ERBB4: variants seen among roughly 807,000 people sequenced by gnomAD.
The protein encoded by ERBB4 is receptor tyrosine-protein kinase erbB-4.
ERBB4 carries 42 observed loss-of-function variants against 158.0 expected under a neutral mutation model. That is an observed-to-expected ratio of 0.27 (90% CI 0.21 to 0.34). The LOEUF (loss-of-function observed/expected upper bound fraction) is 0.34. Among genes scored for constraint, ERBB4 ranks in the 10% least tolerant of loss-of-function variants. The pLI is 1.00. For synonymous variants in ERBB4, 583 were observed against 558.7 expected (o/e 1.04, Z -0.61); for missense variants, 1,333 against 1,624.1 (o/e 0.82, Z 3.08).
rs7569815 is a variant in ERBB4 at position 212,116,372 on chromosome 2, A to T, written c.234+8380T>A. ...TCAGTTATACATCTTTATCATAGAT[A>T]CCATTTTATTTATAGTTTTTTAATA... On this transcript the variant is annotated intron_variant, in intron 2 of 27. Coordinates refer to ENST00000342788, the MANE Select transcript of ERBB4 (RefSeq NM_005235.3). Among the ~76,000 whole-genome samples, 18 of 152,280 alleles carry T rather than the reference A, an allele frequency of 1.2e-4. 2 individuals are homozygous for T. Among genetic ancestry groups the T allele is most frequent in the African/African-American group, 4.3e-4 (18 of 41,570 alleles).
At chr2:212,255,997 A>AC (rs1553605777) in intron 1 of ERBB4, among the ~76,000 whole-genome samples, 3 of 99,112 alleles carry the variant, frequency 3.0e-5, no homozygotes, top group African/African-American at 1.0e-4. Flanking sequence ...AGTTTTATTT[A>AC]TTTATTTTTT....
In ERBB4 at chr2:211,382,336, C is replaced by G. The variant is rs1022269156; in HGVS notation, c.*1279G>C. ...AAAGGTGACATATGAAGATAATGTG[C>G]TGGCCTCTCATCATAGTCCCTGGAT... On this transcript the variant is annotated 3_prime_UTR_variant, in exon 28 of 28. Transcript: ENST00000342788. 1.2e-4 allele frequency: 27 copies of G among 232,338 alleles called. No homozygotes were observed. Among genetic ancestry groups the G allele is most frequent in the Non-Finnish European group, 6.8e-5 (8 of 117,532 alleles). 14.4% of individuals were successfully genotyped at this position (232,338 alleles called of 1,614,324 possible). A position where few individuals can be genotyped will look rare whatever the true frequency, so the allele number is the denominator to read the frequency against.
At chr2:212,397,199 C>T (rs2091053622) in intron 1 of ERBB4, among the ~76,000 whole-genome samples, 1 of 151,952 alleles carries the variant, frequency 6.6e-6, no homozygotes, top group Non-Finnish European at 1.5e-5. Flanking sequence ...GCTAGGCAGG[C>T]CATGGTGGTT....
intron 1 of ERBB4, among the ~76,000 whole-genome samples, chr2:212,188,215 T>G (rs1330983841): frequency 2.8e-4 from 9 of 32,324 alleles, no homozygotes; most frequent in African/African-American, 9.1e-4. Context: ...TCTCTCTCTC[T>G]CTCTCTCTCT....
chr2:212,240,134 G>A (rs946860632), intron 1 of ERBB4, among the ~76,000 whole-genome samples: 9 of 152,108 alleles, frequency 5.9e-5, no homozygotes, highest in African/African-American at 2.4e-5. Context: ...GATCTTCCAT[G>A]AGGCTAGGGT....
chr2:212,347,837 A>C (rs1386070080), intron 1 of ERBB4, among the ~76,000 whole-genome samples: 1 of 152,132 alleles, frequency 6.6e-6, no homozygotes, highest in Non-Finnish European at 1.5e-5. Context: ...ATAAAATATG[A>C]ATAAGTTTTA....
chr2:211,558,707 T>C (rs2067303902), intron 20 of ERBB4, among the ~76,000 whole-genome samples: 1 of 151,876 alleles, frequency 6.6e-6, no homozygotes, highest in Non-Finnish European at 1.5e-5. Context: ...CACCAACATA[T>C]AAACATAGTG....
At chr2:212,148,380 C>A (rs1017742893) in intron 1 of ERBB4, among the ~76,000 whole-genome samples, 1 of 152,098 alleles carries the variant, frequency 6.6e-6, no homozygotes. Flanking sequence ...TGTGTATTAT[C>A]TCTGAGGTAC....
intron 1 of ERBB4, among the ~76,000 whole-genome samples, chr2:212,385,312 T>C (rs1437628900): frequency 6.6e-6 from 1 of 151,810 alleles, no homozygotes; most frequent in Non-Finnish European, 1.5e-5. Context: ...TATTCAAATA[T>C]ATGGAATATA....
rs530014188 is a variant in ERBB4, at chr2:212,177,690, G to A, written c.83-52787C>T. On this transcript the variant is annotated intron_variant, in intron 1 of 27. Transcript: ENST00000342788. ...TCATTCTTTCATTCACAAATGTGCC[G>A]GCACTATGCTGGATGTGAGGGAGAC... Among the ~76,000 whole-genome samples the A allele has an allele frequency of 2.1e-4, 32 of 151,854 alleles. 1 individual carries two copies. The South Asian group carries it at 3.1e-3, about 15-fold the overall frequency.
chr2:211,567,841 AG>A (rs2067597378), intron 19 of ERBB4, among the ~76,000 whole-genome samples: 1 of 149,938 alleles, frequency 6.7e-6, no homozygotes, highest in Admixed American at 6.7e-5. Context: ...GGAGGATAGG[AG>A]AGTAGATAAA....
At chr2:211,888,799 G>A (rs2078878133) in intron 3 of ERBB4, among the ~76,000 whole-genome samples, 1 of 151,816 alleles carries the variant, frequency 6.6e-6, no homozygotes, top group South Asian at 2.1e-4. Flanking sequence ...GACGCACCTG[G>A]AAAATCGGGT....
At chr2:211,968,656 GATAAAGTC>G (rs1009343849) in intron 2 of ERBB4, among the ~76,000 whole-genome samples, 3 of 151,900 alleles carry the variant, frequency 2.0e-5, no homozygotes, top group African/African-American at 4.8e-5. Context: ...CATTGGCTTG[GATAAAGTC>G]ATAAAGTCAT....
chr2:212,384,692 T>A (rs1432347895), intron 1 of ERBB4, among the ~76,000 whole-genome samples: 1 of 151,564 alleles, frequency 6.6e-6, no homozygotes, highest in East Asian at 1.9e-4. Flanking sequence ...TTTATGCTAG[T>A]GTAATGACAT....
chr2:212,354,368 C>T (rs187281126), intron 1 of ERBB4, among the ~76,000 whole-genome samples: 21 of 152,076 alleles, frequency 1.4e-4, no homozygotes, highest in African/African-American at 3.4e-4. Context: ...TAAGGAAAGG[C>T]GGCCAAAGCC....
At chr2:211,698,181 G>A (rs1019170014) in intron 12 of ERBB4, among the ~76,000 whole-genome samples, 8 of 151,872 alleles carry the variant, frequency 5.3e-5, no homozygotes, top group African/African-American at 9.7e-5. Flanking sequence ...GCGTGGTGGC[G>A]CCTGCCTGTA....
At chr2:212,028,934 T>G (rs1003607617) in intron 2 of ERBB4, among the ~76,000 whole-genome samples, 6 of 152,108 alleles carry the variant, frequency 3.9e-5, no homozygotes, top group African/African-American at 1.4e-4. Context: ...AGGTGGGGCT[T>G]AGACACCACA....
At chr2:212,263,217 C>T (rs928001643) in intron 1 of ERBB4, among the ~76,000 whole-genome samples, 3 of 152,062 alleles carry the variant, frequency 2.0e-5, no homozygotes, top group African/African-American at 7.2e-5. Context: ...TGCTTGAGAG[C>T]TTCCAAAGGA....
chr2:211,687,438 T>C (rs1164774261), intron 12 of ERBB4, among the ~76,000 whole-genome samples: 1 of 152,150 alleles, frequency 6.6e-6, no homozygotes, highest in East Asian at 1.9e-4. Flanking sequence ...GGAAGGGAGA[T>C]TGGCCTGGTG....
Sources: allele counts gnomAD v4.1 joint callset (sites outside exome capture counted in the v4.1 genomes callset), GRCh38; gene constraint gnomAD v4.1.1; transcripts MANE v1.5; gene names NCBI Gene and HGNC (gene_info 2026-07-23, HGNC 2026-07-21).